Variants in ZNF609 observed in about 807,000 individuals in gnomAD.
ZNF609 encodes zinc finger protein 609.
In ZNF609, 11 loss-of-function variants were observed where a neutral mutation model predicts 109.5. The observed-to-expected ratio is 0.10, with a 90% confidence interval of 0.06 to 0.17. The LOEUF is 0.17. Among genes scored for constraint, ZNF609 ranks in the 10% least tolerant of loss-of-function variants. The pLI is 1.00. For synonymous variants in ZNF609, 646 were observed against 662.0 expected, an observed-to-expected ratio of 0.98 and a Z score of 0.37; for missense variants, 1,559 against 1,772.4, an observed-to-expected ratio of 0.88 and a Z score of 2.16.
intron 2 of ZNF609, among the ~76,000 whole-genome samples, chr15:64,601,833 G>A (rs1895502656): frequency 6.6e-6 from 1 of 152,176 alleles, no homozygotes; most frequent in African/African-American, 2.4e-5. Context: ...TGAACTACTT[G>A]TTCTCTCCTT....
intron 2 of ZNF609, among the ~76,000 whole-genome samples, chr15:64,617,329 T>TAAA (rs774259983): frequency 7.2e-6 from 1 of 139,620 alleles, no homozygotes; most frequent in Non-Finnish European, 1.6e-5. Flanking sequence ...GCCAAAAAAT[T>TAAA]AAAAAAAAAA....
intron 2 of ZNF609, among the ~76,000 whole-genome samples, chr15:64,555,886 CAAAAAAAAAAAA>C (rs963732035): frequency 1.3e-4 from 5 of 38,938 alleles, no homozygotes; most frequent in Admixed American, 6.4e-4. Flanking sequence ...GACTCTGTCT[CAAAAAAAAAAAA>C]AAAAAAAAAA....
intron 2 of ZNF609, among the ~76,000 whole-genome samples, chr15:64,523,892 GC>G (rs1231090582): frequency 3.3e-5 from 5 of 151,982 alleles, no homozygotes; most frequent in Non-Finnish European, 7.4e-5. Context: ...TTATCAAATG[GC>G]TTTAATGTTC....
At chr15:64,625,598 A>C (rs1243317486) in intron 3 of ZNF609, among the ~76,000 whole-genome samples, 2 of 152,046 alleles carry the variant, frequency 1.3e-5, no homozygotes, top group African/African-American at 4.8e-5. Context: ...ATCTTAATAT[A>C]TATCTAGAGG....
In ZNF609 at chr15:64,678,401, G is replaced by A. The variant is rs559127629; in HGVS notation, c.3688G>A (p.Gly1230Ser). The A allele has an allele frequency of 3.1e-6, 5 of 1,613,500 alleles. No individual in the cohort carries two copies. The African/African-American group carries it at 5.3e-5, about 17-fold the overall frequency. Residue 1230 changes from glycine (G) to serine (S), a missense_variant, in exon 6 of 10, where the codon GGC becomes AGC. By Grantham distance (56) the Gly-to-Ser change is moderately conservative (BLOSUM62 0). Transcript: ENST00000326648. ...QHQSYIPYMH[G>S]YSYSQSYDPN... ...CCAGTCCTACATCCCCTACATGCAC[G>A]GCTATTCCTACAGTCAGTCCTACGA... is the stretch of plus-strand genomic sequence containing the variant.
rs1892925419 is a variant in ZNF609, at chr15:64,460,694, G to A, written c.-272G>A. On this transcript the variant is annotated 5_prime_UTR_variant, in exon 1 of 10. Transcript: ENST00000326648. ...GGCGCGGGGAGGGGGCAGAGAGCCAGAGCCGGAGCCGGAGCCGGAGCCGGG... is the reference window on the plus strand; with the variant it reads ...GGCGCGGGGAGGGGGCAGAGAGCCAAAGCCGGAGCCGGAGCCGGAGCCGGG... 7.2e-6 allele frequency: 1 copy of A among 139,458 alleles called. No individual in the cohort carries two copies. Among genetic ancestry groups the A allele is most frequent in the Admixed American group, 7.2e-5 (1 of 13,898 alleles). The allele number at this position is 139,458 out of a possible 1,614,324, so 8.6% of individuals were successfully genotyped here. A position where few individuals can be genotyped will look rare whatever the true frequency, so the allele number is the denominator to read the frequency against.
intron 1 of ZNF609, among the ~76,000 whole-genome samples, chr15:64,495,300 G>A (rs1256470927): frequency 6.6e-6 from 1 of 152,110 alleles, no homozygotes; most frequent in Non-Finnish European, 1.5e-5. Flanking sequence ...TGAGTTTTCA[G>A]CTTACAAAGT....
Position 64,577,294 on chromosome 15 carries a change from C to G in ZNF609, c.748-45533C>G, listed in dbSNP as rs865925307. On this transcript the variant is annotated intron_variant, in intron 2 of 9. Transcript: ENST00000326648. The stretch of plus-strand genomic sequence containing the variant: ...ATACATATATGTATATATATACACA[C>G]AAATATATACATATATGTATATATA... Among the ~76,000 whole-genome samples, 5 of 13,802 alleles carry G rather than the reference C, an allele frequency of 3.6e-4. 1 individual carries two copies. The highest frequency in any genetic ancestry group is 4.3e-4 in the African/African-American group (5 of 11,592). The allele number at this position is 13,802 out of a possible 152,430, so 9.1% of individuals were successfully genotyped here. A position where few individuals can be genotyped will look rare whatever the true frequency, so the allele number is the denominator to read the frequency against.
intron 2 of ZNF609, among the ~76,000 whole-genome samples, chr15:64,609,112 CTTTCTTTCTTTCTTTCTTTT>C (rs1567028285): frequency 1.4e-4 from 5 of 34,712 alleles, no homozygotes; most frequent in Non-Finnish European, 1.8e-4. Context: ...TTCTTTCTTT[CTTTCTTTCTTTCTTTCTTTT>C]TTTCTTTCTT....
intron 2 of ZNF609, among the ~76,000 whole-genome samples, chr15:64,506,320 G>A (rs987779101): frequency 1.1e-4 from 17 of 151,208 alleles, no homozygotes; most frequent in Admixed American, 6.6e-4. Flanking sequence ...ACAGGGTTTC[G>A]TTGTGTTGGC....
chr15:64,490,269 GT>G (rs1398055637), intron 1 of ZNF609, among the ~76,000 whole-genome samples: 1 of 16,702 alleles, frequency 6.0e-5, no homozygotes, highest in African/African-American at 9.4e-5. Flanking sequence ...CCGGCCAGTA[GT>G]TGTTTTTTTT....
chr15:64,674,448 G>T lies in ZNF609; in HGVS notation c.1594G>T (p.Asp532Tyr). Residue 532 changes from aspartate to tyrosine, a missense_variant, in exon 5 of 10, where the codon GAC becomes TAC. By Grantham distance (160) the Asp-to-Tyr change is radical (BLOSUM62 -3). This residue lies in a region of ZNF609 where 1,204 missense variants were observed against 1,314.1 expected (regional missense o/e 0.92). Transcript: ENST00000326648. ...DDDSKPEADG[D>Y]SEYGEEPILH... Reference sequence around the variant, plus strand: ...TGACAGCAAGCCGGAAGCGGATGGGGACAGTGAGTACGGAGAGGAACCTAT... The same window carrying T: ...TGACAGCAAGCCGGAAGCGGATGGGTACAGTGAGTACGGAGAGGAACCTAT... 6.2e-7 allele frequency: 1 copy of T among 1,614,220 alleles called. No individual in the cohort carries two copies. The highest frequency in any genetic ancestry group is 8.5e-7 in the Non-Finnish European group (1 of 1,180,042).
chr15:64,516,079 G>C (rs1388349184), intron 2 of ZNF609, among the ~76,000 whole-genome samples: 2 of 152,146 alleles, frequency 1.3e-5, no homozygotes, highest in Non-Finnish European at 2.9e-5. Flanking sequence ...TCAGGCCAGA[G>C]AAAAGTCAGG....
chr15:64,657,684 G>A (rs1896511148), intron 3 of ZNF609, among the ~76,000 whole-genome samples: 1 of 152,150 alleles, frequency 6.6e-6, no homozygotes, highest in African/African-American at 2.4e-5. Context: ...AGAGATAAAG[G>A]GTGGAGTTAG....
intron 2 of ZNF609, among the ~76,000 whole-genome samples, chr15:64,600,939 A>C (rs1456148341): frequency 6.6e-6 from 1 of 152,066 alleles, no homozygotes; most frequent in African/African-American, 2.4e-5. Flanking sequence ...TCTGCTTCAG[A>C]GTATATTTGT....
chr15:64,506,873 T>A (rs763566471), intron 2 of ZNF609, among the ~76,000 whole-genome samples: 14 of 152,224 alleles, frequency 9.2e-5, no homozygotes, highest in Non-Finnish European at 1.3e-4. Flanking sequence ...GGCAATAATG[T>A]ACTGAAATAC....
At chr15:64,515,734 C>T (rs539533005) in intron 2 of ZNF609, among the ~76,000 whole-genome samples, 20 of 151,520 alleles carry the variant, frequency 1.3e-4, no homozygotes, top group African/African-American at 4.8e-4. Flanking sequence ...GTCAGGAGTT[C>T]GAGACCAGCC....
chr15:64,648,973 A>ATGG (rs1896375207), intron 3 of ZNF609, among the ~76,000 whole-genome samples: 1 of 152,126 alleles, frequency 6.6e-6, no homozygotes, highest in Non-Finnish European at 1.5e-5. Context: ...GAAAAGGAAG[A>ATGG]TGGATACTTA....
intron 2 of ZNF609, 116 bp downstream of exon 2, chr15:64,500,282 A>G (rs1595700206): frequency 5.1e-6 from 7 of 1,360,400 alleles, no homozygotes; most frequent in East Asian, 5.0e-5. Flanking sequence ...GTAATGACCA[A>G]TTACAAGGTC....
Sources: allele counts gnomAD v4.1 joint callset (sites outside exome capture counted in the v4.1 genomes callset), GRCh38; gene constraint gnomAD v4.1.1; regional missense constraint gnomAD v4.1.1; transcripts MANE v1.5; gene names NCBI Gene and HGNC (gene_info 2026-07-23, HGNC 2026-07-21).